Variants in MGAT4A observed in about 807,000 individuals in gnomAD.
MGAT4A encodes the protein N-acetylglucosaminyltransferase IVa.
A neutral mutation model predicts 74.1 loss-of-function variants in MGAT4A; 33 were observed. The observed-to-expected ratio is 0.45, with a 90% CI of 0.34 to 0.60. The LOEUF is 0.60. MGAT4A is among the 20% of genes least tolerant of loss of function. The pLI, the probability that MGAT4A is intolerant of heterozygous loss-of-function variation, is 0.02. For missense variants in MGAT4A, 479 were observed against 628.3 expected (o/e 0.76, Z 2.54); for synonymous variants, 198 against 210.4 (o/e 0.94, Z 0.51).
At chr2:98,647,047 G>A (rs905333412) in intron 8 of MGAT4A, among the ~76,000 whole-genome samples, 6 of 152,152 alleles carry the variant, frequency 3.9e-5, no homozygotes, top group Non-Finnish European at 7.4e-5. Context: ...AATAAAGGAA[G>A]AAAAATTCTT....
chr2:98,621,416 G>A lies in MGAT4A; in HGVS notation c.*4150C>T, dbSNP rs2104201937. ...CAAAGCCATGTGCATTCCTTCTCAT[G>A]CAGCCCCCTCTACCTTAAAACAGCA... On this transcript the variant is annotated 3_prime_UTR_variant, in exon 16 of 16. Transcript: ENST00000393487. 1 of 1,551,016 alleles carries A rather than the reference G, an allele frequency of 6.4e-7. No individual in the cohort carries two copies. Among genetic ancestry groups the A allele is most frequent in the East Asian group, 2.4e-5 (1 of 40,858 alleles).
At position 98,719,607 on chromosome 2, in the gene MGAT4A, C is replaced by A. The variant is rs144533728; in HGVS notation, c.94+6632G>T. ...AAACCAAGCAGGTAACAGAAACTGC[C>A]TGTGAGTACAACTAGATGAACTAGA... On this transcript the variant is annotated intron_variant, in intron 2 of 15. Coordinates refer to ENST00000393487, the MANE Select transcript of MGAT4A (RefSeq NM_012214.3). Among the ~76,000 whole-genome samples the A allele has an allele frequency of 2.1e-3, 319 of 152,224 alleles. 2 individuals are homozygous for A. The highest frequency in any genetic ancestry group is 7.4e-3 in the African/African-American group (309 of 41,530).
At chr2:98,699,420 CCTTTCAAGCCAGG>C (rs1702320464) in intron 2 of MGAT4A, among the ~76,000 whole-genome samples, 1 of 152,134 alleles carries the variant, frequency 6.6e-6, no homozygotes, top group East Asian at 1.9e-4. Flanking sequence ...CGAGGACCAG[CCTTTCAAGCCAGG>C]CTTTCTGATA....
chr2:98,687,789 C>A (rs1702148340), intron 2 of MGAT4A, among the ~76,000 whole-genome samples: 1 of 152,124 alleles, frequency 6.6e-6, no homozygotes, highest in Non-Finnish European at 1.5e-5. Context: ...AGACCAAAAT[C>A]ACAGCTGACA....
intron 4 of MGAT4A, among the ~76,000 whole-genome samples, chr2:98,667,418 A>G (rs1701851164): frequency 6.6e-6 from 1 of 152,206 alleles, no homozygotes; most frequent in African/African-American, 2.4e-5. Context: ...AGTTCCCTAG[A>G]GACTTGTTGA....
chr2:98,725,765 G>A (rs1296147403), intron 2 of MGAT4A, among the ~76,000 whole-genome samples: 1 of 152,128 alleles, frequency 6.6e-6, no homozygotes, highest in African/African-American at 2.4e-5. Flanking sequence ...TGCCTAAGGA[G>A]TAATCTGTCA....
intron 2 of MGAT4A, among the ~76,000 whole-genome samples, chr2:98,712,045 G>A (rs1373481638): frequency 2.0e-5 from 3 of 152,084 alleles, no homozygotes; most frequent in African/African-American, 7.2e-5. Context: ...CCTGCTCCCA[G>A]CTCTAACAGT....
intron 2 of MGAT4A, among the ~76,000 whole-genome samples, chr2:98,696,428 C>T (rs1702276356): frequency 6.6e-6 from 1 of 152,194 alleles, no homozygotes; most frequent in African/African-American, 2.4e-5. Context: ...TTGCTGCTGT[C>T]TAAGTTGACG....
At chr2:98,721,492 T>C (rs1351254170) in intron 2 of MGAT4A, among the ~76,000 whole-genome samples, 1 of 152,138 alleles carries the variant, frequency 6.6e-6, no homozygotes, top group Non-Finnish European at 1.5e-5. Context: ...AGTAATATAA[T>C]TGCCAGTAAT....
At chr2:98,709,795 T>C (rs967052090) in intron 2 of MGAT4A, among the ~76,000 whole-genome samples, 1 of 152,358 alleles carries the variant, frequency 6.6e-6, no homozygotes, top group African/African-American at 2.4e-5. Flanking sequence ...AAGCCATGAC[T>C]GGCCATCTGC....
chr2:98,673,660 A>G (rs1234112539), intron 4 of MGAT4A, among the ~76,000 whole-genome samples: 1 of 152,194 alleles, frequency 6.6e-6, no homozygotes, highest in Non-Finnish European at 1.5e-5. Context: ...ACATAGCTTC[A>G]AAAGAAAGAG....
chr2:98,680,953 G>T (rs1361396052), intron 2 of MGAT4A, among the ~76,000 whole-genome samples: 1 of 152,122 alleles, frequency 6.6e-6, no homozygotes, highest in Non-Finnish European at 1.5e-5. Flanking sequence ...CTAAGCAAAA[G>T]AAATTCAATT....
At chr2:98,728,434 C>T (rs1033441686) in intron 1 of MGAT4A, among the ~76,000 whole-genome samples, 4 of 152,202 alleles carry the variant, frequency 2.6e-5, no homozygotes, top group South Asian at 2.1e-4. Flanking sequence ...AACATGCCCA[C>T]GTCTACAGTT....
chr2:98,627,153 T>C (rs986371216), intron 14 of MGAT4A, among the ~76,000 whole-genome samples: 4 of 152,200 alleles, frequency 2.6e-5, no homozygotes, highest in African/African-American at 7.2e-5. Context: ...GCTTGGAAAG[T>C]GCATCTGCCG....
intron 5 of MGAT4A, among the ~76,000 whole-genome samples, chr2:98,660,414 ACG>A (rs879869861): frequency 8.3e-5 from 10 of 119,888 alleles, no homozygotes; most frequent in South Asian, 2.8e-4. Flanking sequence ...ACACACACGC[ACG>A]CGCACACACA....
Position 98,623,534 on chromosome 2 carries a change from G to A in MGAT4A, c.*2032C>T, listed in dbSNP as rs1317288048. Reference sequence around the variant, plus strand: ...ATGACAAAAGGTTATTCCTGTTTTTGAATGAAATTTGCTCATGGGCACTGG... The same window carrying A: ...ATGACAAAAGGTTATTCCTGTTTTTAAATGAAATTTGCTCATGGGCACTGG... On this transcript the variant is annotated 3_prime_UTR_variant, in exon 16 of 16. Coordinates refer to ENST00000393487, the MANE Select transcript of MGAT4A (RefSeq NM_012214.3). 7.1e-6 allele frequency: 7 copies of A among 985,330 alleles called. No homozygotes were observed. Among genetic ancestry groups the A allele is most frequent in the Non-Finnish European group, 8.4e-6 (7 of 829,922 alleles). 61.0% of individuals were successfully genotyped at this position (985,330 alleles called of 1,614,324 possible).
intron 10 of MGAT4A, among the ~76,000 whole-genome samples, chr2:98,643,012 TAATGACA>T: frequency 6.6e-6 from 1 of 152,338 alleles, no homozygotes; most frequent in East Asian, 1.9e-4. Context: ...GTCAACTCTA[TAATGACA>T]TGTTCTTACA....
rs1280408674 is a variant in MGAT4A at position 98,700,746 on chromosome 2, C to CTGGG, written c.95-22276_95-22275insCCCA. Among the ~76,000 whole-genome samples the CTGGG allele has an allele frequency of 3.3e-5, 5 of 152,054 alleles. No homozygotes were observed. In the East Asian group the frequency reaches 9.7e-4, roughly 29 times the overall value. ...TCTCTACTAAAAGTACAAAAATTAG[C>CTGGG]CAGCCGTGGTGGCGGGCACCTGTAA... On this transcript the variant is annotated intron_variant, in intron 2 of 15. Coordinates refer to ENST00000393487, the MANE Select transcript of MGAT4A (RefSeq NM_012214.3).
chr2:98,682,422 C>CAAAAAAAAAAAAAAAAAAAAA (rs1013377462), intron 2 of MGAT4A, among the ~76,000 whole-genome samples: 1 of 36,456 alleles, frequency 2.7e-5, no homozygotes, highest in African/African-American at 1.1e-4. Flanking sequence ...AATTCCATCT[C>CAAAAAAAAAAAAAAAAAAAAA]AAAAAAAAAA....
Sources: allele counts gnomAD v4.1 joint callset (sites outside exome capture counted in the v4.1 genomes callset), GRCh38; gene constraint gnomAD v4.1.1; transcripts MANE v1.5; gene names NCBI Gene and HGNC (gene_info 2026-07-23, HGNC 2026-07-21).